The following ECT2L variants were observed in gnomAD, a reference collection of about 807,000 sequenced individuals.
ECT2L encodes the protein epithelial cell transforming 2 like.
Under a neutral mutation model 122.8 loss-of-function variants are expected in ECT2L, and 126 were observed. The ratio of observed to expected loss-of-function variants is 1.03; its 90% CI spans 0.89 to 1.19. The LOEUF (loss-of-function observed/expected upper bound fraction) is 1.19. ECT2L is among the 50% of genes most tolerant of loss of function. The probability of loss-of-function intolerance (pLI) is 0.00; values close to 1 mark genes in which losing one functional copy is unlikely to be tolerated. For missense variants in ECT2L, 1,012 were observed against 1,064.1 expected, an observed-to-expected ratio of 0.95 and a Z score of 0.68; for synonymous variants, 385 against 381.8, an observed-to-expected ratio of 1.01 and a Z score of -0.10.
intron 5 of ECT2L, among the ~76,000 whole-genome samples, chr6:138,841,439 G>T (rs1777037022): frequency 6.6e-6 from 1 of 152,210 alleles, no homozygotes; most frequent in Non-Finnish European, 1.5e-5. Context: ...GGAATGAGAT[G>T]TTTCAAAGCT....
At chr6:138,847,624 G>A (rs1173175025) in intron 8 of ECT2L, among the ~76,000 whole-genome samples, 1 of 149,378 alleles carries the variant, frequency 6.7e-6, no homozygotes, top group Non-Finnish European at 1.5e-5. Context: ...TGATCCGCCT[G>A]CCTTGGCCTC....
intron 1 of ECT2L, among the ~76,000 whole-genome samples, chr6:138,803,024 C>T (rs1562448053): frequency 1.3e-5 from 2 of 151,346 alleles, no homozygotes; most frequent in African/African-American, 2.4e-5. Context: ...TGCAGTGAGC[C>T]GAGATTGCAC....
intron 3 of ECT2L, among the ~76,000 whole-genome samples, chr6:138,813,726 C>A (rs978927241): frequency 4.6e-5 from 7 of 152,134 alleles, no homozygotes; most frequent in African/African-American, 1.4e-4. Flanking sequence ...CTGGATGGTT[C>A]CATGTGGCCT....
chr6:138,902,922 C>A lies in ECT2L; in HGVS notation c.*295C>A. The A allele has an allele frequency of 3.4e-6, 1 of 298,236 alleles. No homozygotes were observed. The highest frequency in any genetic ancestry group is 3.8e-5 in the South Asian group (1 of 26,514). 18.5% of individuals were successfully genotyped at this position (298,236 alleles called of 1,614,324 possible). A position where few individuals can be genotyped will look rare whatever the true frequency, so the allele number is the denominator to read the frequency against. ...GTGATGAAACCTAAGACAGAGCAAG[C>A]ACATTGTGTAAAGCTTTGTTTTATG... On this transcript the variant is annotated 3_prime_UTR_variant, in exon 22 of 22. Transcript: ENST00000541398.
intron 15 of ECT2L, among the ~76,000 whole-genome samples, chr6:138,881,597 A>G (rs1364820747): frequency 6.6e-6 from 1 of 151,880 alleles, no homozygotes; most frequent in Non-Finnish European, 1.5e-5. Context: ...CCATAATGTA[A>G]ACCAGTGGGA....
At chr6:138,867,412 T>C in intron 12 of ECT2L, among the ~76,000 whole-genome samples, 1 of 152,108 alleles carries the variant, frequency 6.6e-6, no homozygotes, top group Non-Finnish European at 1.5e-5. Flanking sequence ...CGGTGGCTCA[T>C]GTCTGTAGTC....
rs140804055 is a variant in ECT2L at position 138,842,133 on chromosome 6, G to A, written c.343-846G>A. ...GATACGCTTCTTATTTCCAAGTCAA[G>A]TTCAGATAGTAAGTCAGTAATAGCA... On this transcript the variant is annotated intron_variant, in intron 5 of 21. Coordinates refer to ENST00000541398, the MANE Select transcript of ECT2L (RefSeq NM_001077706.3). Among the ~76,000 whole-genome samples the A allele has an allele frequency of 2.5e-3, 382 of 152,250 alleles. 1 individual carries two copies. The highest frequency in any genetic ancestry group is 9.0e-3 in the African/African-American group (373 of 41,568).
chr6:138,891,495 C>T (rs545717610), intron 20 of ECT2L, among the ~76,000 whole-genome samples: 22 of 152,184 alleles, frequency 1.4e-4, no homozygotes, highest in Non-Finnish European at 2.6e-4. Context: ...TCCACAATCT[C>T]TTATCTAAAG....
chr6:138,841,024 G>A (rs1474866711), intron 5 of ECT2L, among the ~76,000 whole-genome samples: 1 of 151,982 alleles, frequency 6.6e-6, no homozygotes, highest in Non-Finnish European at 1.5e-5. Context: ...TGTTTCTTTA[G>A]CTAGATTCTA....
In ECT2L at chr6:138,876,547, C is replaced by T. The variant is rs1234504191; in HGVS notation, c.1654C>T (p.Leu552=). The part of the protein sequence containing the change: ...LSKNDLNFEA[L]INLERILQKD... ...CAAAAATGATTTAAATTTTGAAGCA[C>T]TGATTAATCTGGTAAGCTATTATAT... The change falls in exon 14 of 22, where the codon CTG becomes TTG. Residue 552 remains leucine (L), a synonymous_variant. Transcript: ENST00000541398. 6.2e-7 allele frequency: 1 copy of T among 1,607,310 alleles called. No homozygotes were observed. Among genetic ancestry groups the T allele is most frequent in the Non-Finnish European group, 8.5e-7 (1 of 1,174,320 alleles).
chr6:138,808,001 C>A (rs2128370791), intron 1 of ECT2L, among the ~76,000 whole-genome samples: 1 of 152,228 alleles, frequency 6.6e-6, no homozygotes, highest in South Asian at 2.1e-4. Flanking sequence ...CTAGTCTTGA[C>A]CCTTTGCATT....
chr6:138,843,039 G>T lies in ECT2L; in HGVS notation c.403G>T (p.Asp135Tyr). ...FGWFLPYTPT[D>Y]NEYGAWKRHY... ...ATGGTTTCTGCCCTATACTCCAACAGATAATGAGTATGGTGCTTGGAAGCG... is the reference window on the plus strand; with the variant it reads ...ATGGTTTCTGCCCTATACTCCAACATATAATGAGTATGGTGCTTGGAAGCG... The change falls in exon 6 of 22, where the codon GAT becomes TAT. Residue 135 changes from aspartate (D) to tyrosine (Y), a missense_variant. Physicochemically the swap from Asp to Tyr is radical, Grantham distance 160. Transcript: ENST00000541398. 6.2e-7 allele frequency: 1 copy of T among 1,612,384 alleles called. No individual in the cohort carries two copies. Among genetic ancestry groups the T allele is most frequent in the Non-Finnish European group, 8.5e-7 (1 of 1,178,820 alleles).
intron 7 of ECT2L, among the ~76,000 whole-genome samples, chr6:138,845,663 ACT>A (rs1388951992): frequency 6.6e-6 from 1 of 152,070 alleles, no homozygotes; most frequent in African/African-American, 2.4e-5. Context: ...AGAACCTAAA[ACT>A]CTAAAATTCC....
chr6:138,876,590 G>A, intron 14 of ECT2L, 32 bp downstream of exon 14: 1 of 1,432,084 alleles, frequency 7.0e-7, no homozygotes, highest in Non-Finnish European at 9.6e-7. Context: ...CTTTACCATT[G>A]GTTTTGCTCC....
At chr6:138,866,516 G>A (rs1778045317) in intron 12 of ECT2L, among the ~76,000 whole-genome samples, 1 of 151,888 alleles carries the variant, frequency 6.6e-6, no homozygotes, top group African/African-American at 2.4e-5. Flanking sequence ...CTCCCAAAGT[G>A]CTAGGATTAC....
At chr6:138,877,041 T>C (rs544049724) in intron 14 of ECT2L, among the ~76,000 whole-genome samples, 1 of 152,328 alleles carries the variant, frequency 6.6e-6, no homozygotes, top group South Asian at 2.1e-4. Flanking sequence ...GCACACTGTT[T>C]TGTTTTCTTC....
intron 4 of ECT2L, among the ~76,000 whole-genome samples, chr6:138,829,089 C>T (rs1341540405): frequency 6.6e-6 from 1 of 151,726 alleles, no homozygotes; most frequent in Non-Finnish European, 1.5e-5. Flanking sequence ...AACTCCTGGC[C>T]TCAAATTATC....
chr6:138,881,323 C>G, intron 15 of ECT2L, 152 bp downstream of exon 15: 2 of 765,532 alleles, frequency 2.6e-6, no homozygotes, highest in Non-Finnish European at 4.2e-6. Context: ...ACATTACCTA[C>G]CGGGCTGCAA....
At chr6:138,806,283 AGCCTCTTAACAATTTT>A (rs1417849210) in intron 1 of ECT2L, among the ~76,000 whole-genome samples, 1 of 152,168 alleles carries the variant, frequency 6.6e-6, no homozygotes, top group Non-Finnish European at 1.5e-5. Flanking sequence ...CATGAGAACA[AGCCTCTTAACAATTTT>A]GTGGGCTTTG....
Sources: allele counts gnomAD v4.1 joint callset (sites outside exome capture counted in the v4.1 genomes callset), GRCh38; gene constraint gnomAD v4.1.1; transcripts MANE v1.5; gene names NCBI Gene and HGNC (gene_info 2026-07-23, HGNC 2026-07-21).